Variants in ZNF804B observed in about 807,000 individuals in gnomAD.
ZNF804B encodes the protein zinc finger 804B.
ZNF804B carries 80 observed loss-of-function variants against 101.4 expected under a neutral mutation model. The observed-to-expected ratio is 0.79, with a 90% CI of 0.66 to 0.95. The LOEUF is 0.95. ZNF804B is among the 40% of genes least tolerant of loss of function. The pLI is 0.00. For synonymous variants in ZNF804B, 622 were observed against 558.8 expected, an observed-to-expected ratio of 1.11 and a Z score of -1.59; for missense variants, 1,673 against 1,561.9, an observed-to-expected ratio of 1.07 and a Z score of -1.20.
At chr7:88,825,144 C>T (rs1791034646) in intron 1 of ZNF804B, among the ~76,000 whole-genome samples, 1 of 152,086 alleles carries the variant, frequency 6.6e-6, no homozygotes, top group Non-Finnish European at 1.5e-5. Flanking sequence ...GCAGAAGGAG[C>T]TGAGTGGGAT....
chr7:88,903,864 T>C (rs1168712773), intron 1 of ZNF804B, among the ~76,000 whole-genome samples: 1 of 152,172 alleles, frequency 6.6e-6, no homozygotes, highest in Non-Finnish European at 1.5e-5. Flanking sequence ...TGTTGATGCA[T>C]AGTTTGTGAA....
intron 1 of ZNF804B, among the ~76,000 whole-genome samples, chr7:89,190,035 A>C (rs1788430197): frequency 6.6e-6 from 1 of 152,172 alleles, no homozygotes; most frequent in South Asian, 2.1e-4. Context: ...ATCAATATTA[A>C]CAGAAGTTTA....
At chr7:89,020,827 G>T (rs1173256185) in intron 1 of ZNF804B, among the ~76,000 whole-genome samples, 1 of 151,948 alleles carries the variant, frequency 6.6e-6, no homozygotes, top group African/African-American at 2.4e-5. Flanking sequence ...TTTTTATGAT[G>T]TCTATTTCTT....
intron 1 of ZNF804B, among the ~76,000 whole-genome samples, chr7:88,929,344 G>GA (rs35365536): frequency 8.8e-4 from 129 of 145,876 alleles, no homozygotes; most frequent in Middle Eastern, 3.7e-3. Flanking sequence ...CTAAGGTTCT[G>GA]AAAAAAAAAA....
At chr7:89,315,215 C>T (rs534421190) in intron 2 of ZNF804B, among the ~76,000 whole-genome samples, 2 of 152,256 alleles carry the variant, frequency 1.3e-5, no homozygotes, top group South Asian at 4.1e-4. Context: ...AACTCACTCA[C>T]TATGATGAGG....
intron 3 of ZNF804B, among the ~76,000 whole-genome samples, chr7:89,329,917 T>G (rs890474860): frequency 1.3e-5 from 2 of 151,594 alleles, no homozygotes; most frequent in African/African-American, 2.4e-5. Context: ...TAAAAAATCA[T>G]GTTGTTTTGA....
chr7:89,297,712 G>A (rs1477908268), intron 2 of ZNF804B, among the ~76,000 whole-genome samples: 1 of 151,890 alleles, frequency 6.6e-6, no homozygotes, highest in Non-Finnish European at 1.5e-5. Flanking sequence ...TCTATATTCT[G>A]TATTACTCTC....
intron 1 of ZNF804B, among the ~76,000 whole-genome samples, chr7:88,966,349 A>G (rs1448345113): frequency 6.6e-6 from 1 of 151,598 alleles, no homozygotes; most frequent in Non-Finnish European, 1.5e-5. Flanking sequence ...TTGTAACATT[A>G]ATCTATAACT....
At chr7:88,881,308 A>T (rs964288164) in intron 1 of ZNF804B, among the ~76,000 whole-genome samples, 1 of 152,162 alleles carries the variant, frequency 6.6e-6, no homozygotes, top group Non-Finnish European at 1.5e-5. Flanking sequence ...GTCTGTACTC[A>T]TAAAAATACT....
chr7:89,277,642 T>C (rs1790009225), intron 2 of ZNF804B, among the ~76,000 whole-genome samples: 1 of 151,240 alleles, frequency 6.6e-6, no homozygotes, highest in African/African-American at 2.4e-5. Context: ...GAATGATGAT[T>C]TCCAATTTCA....
At chr7:89,213,151 A>C (rs2115683789) in intron 1 of ZNF804B, among the ~76,000 whole-genome samples, 2 of 152,288 alleles carry the variant, frequency 1.3e-5, no homozygotes, top group South Asian at 4.1e-4. Flanking sequence ...TAAATAAGTA[A>C]ATGAAACCTC....
chr7:89,075,943 C>T (rs1389962554), intron 1 of ZNF804B, among the ~76,000 whole-genome samples: 1 of 152,164 alleles, frequency 6.6e-6, no homozygotes, highest in Non-Finnish European at 1.5e-5. Context: ...TTGCATGGGG[C>T]CTGTAGCCCC....
intron 1 of ZNF804B, among the ~76,000 whole-genome samples, chr7:88,946,042 C>T (rs1793123189): frequency 6.6e-6 from 1 of 152,048 alleles, no homozygotes; most frequent in Non-Finnish European, 1.5e-5. Flanking sequence ...CAAACAGAGA[C>T]TATTTGACTT....
At chr7:88,992,584 G>A (rs1199242394) in intron 1 of ZNF804B, among the ~76,000 whole-genome samples, 1 of 152,066 alleles carries the variant, frequency 6.6e-6, no homozygotes, top group Non-Finnish European at 1.5e-5. Flanking sequence ...TCATTTTAGA[G>A]AAAATGACTT....
At chr7:89,174,423 T>G (rs1791286850) in intron 1 of ZNF804B, among the ~76,000 whole-genome samples, 1 of 152,026 alleles carries the variant, frequency 6.6e-6, no homozygotes, top group Non-Finnish European at 1.5e-5. Context: ...AATGACAGGA[T>G]GTCATCCCTT....
At chr7:88,979,634 T>C (rs1277384647) in intron 1 of ZNF804B, among the ~76,000 whole-genome samples, 1 of 151,136 alleles carries the variant, frequency 6.6e-6, no homozygotes, top group Non-Finnish European at 1.5e-5. Flanking sequence ...GTTTTTAGAA[T>C]TCTTTCTTTA....
chr7:89,285,546 A>AAAAG (rs1554389597), intron 2 of ZNF804B, among the ~76,000 whole-genome samples: 6 of 93,440 alleles, frequency 6.4e-5, no homozygotes, highest in East Asian at 2.4e-4. Context: ...AAAAAAAAAA[A>AAAAG]AAGAAGAAGA....
chr7:89,129,802 G>A lies in ZNF804B; in HGVS notation c.109-88353G>A, dbSNP rs144425877. Among the ~76,000 whole-genome samples the A allele has an allele frequency of 1.6e-3, 248 of 152,122 alleles. 2 individuals carry two copies. Among genetic ancestry groups the A allele is most frequent in the African/African-American group, 5.4e-3 (223 of 41,532 alleles). On this transcript the variant is annotated intron_variant, in intron 1 of 3. Transcript: ENST00000333190. ...CACAGGCCACTGGGCTCCAGAGCAC[G>A]TGCTCTTAGCTACCAATCCATGCTG...
At chr7:89,028,291 A>G (rs1788780989) in intron 1 of ZNF804B, among the ~76,000 whole-genome samples, 1 of 152,124 alleles carries the variant, frequency 6.6e-6, no homozygotes, top group Non-Finnish European at 1.5e-5. Flanking sequence ...TGAAATAGAA[A>G]GCAGTCATAT....
Sources: gnomAD v4.1 joint callset for allele counts (sites outside exome capture counted in the v4.1 genomes callset) on GRCh38, gnomAD v4.1.1 for gene constraint, MANE v1.5 for transcripts, NCBI Gene and HGNC (gene_info 2026-07-23, HGNC 2026-07-21) for gene names.